Variants in OSBPL8 observed in about 807,000 individuals in gnomAD.
OSBPL8 encodes oxysterol binding protein like 8, also known as oxysterol-binding protein-related protein 8.
A neutral mutation model predicts 125.5 loss-of-function variants in OSBPL8; 59 were observed. That is an observed-to-expected ratio of 0.47 (90% CI 0.38 to 0.58). OSBPL8 has a LOEUF of 0.58. Among genes scored for constraint, OSBPL8 ranks in the 20% least tolerant of loss-of-function variants. The pLI is 0.00. For missense variants in OSBPL8, 758 were observed against 1,047.8 expected, an observed-to-expected ratio of 0.72 and a Z score of 3.82; for synonymous variants, 330 against 338.9, an observed-to-expected ratio of 0.97 and a Z score of 0.29.
At chr12:76,499,376 A>AATCT (rs1879659920) in intron 1 of OSBPL8, among the ~76,000 whole-genome samples, 1 of 135,972 alleles carries the variant, frequency 7.4e-6, no homozygotes, top group African/African-American at 2.7e-5. Flanking sequence ...TAATCTATCT[A>AATCT]ATCTATCTAT....
chr12:76,372,340 G>C (rs1054378148), intron 18 of OSBPL8, among the ~76,000 whole-genome samples: 3 of 151,920 alleles, frequency 2.0e-5, no homozygotes, highest in African/African-American at 7.3e-5. Flanking sequence ...TGAGTAGCTG[G>C]GACAGGCATG....
At chr12:76,356,172 C>T (rs1381937582) in intron 23 of OSBPL8, 151 bp from the exon 24 acceptor site, 30 of 142,142 alleles carry the variant, frequency 2.1e-4, no homozygotes, top group Admixed American at 7.3e-4. Flanking sequence ...TGGGGGGGGG[C>T]GGGGTCTGGG....
intron 4 of OSBPL8, among the ~76,000 whole-genome samples, chr12:76,420,863 A>C (rs1869388494): frequency 6.6e-6 from 1 of 152,000 alleles, no homozygotes; most frequent in African/African-American, 2.4e-5. Context: ...GCTTTTTATC[A>C]CAGCTGGTTG....
chr12:76,486,406 C>A (rs1013685868), intron 2 of OSBPL8, among the ~76,000 whole-genome samples: 1 of 152,180 alleles, frequency 6.6e-6, no homozygotes, highest in African/African-American at 2.4e-5. Context: ...GAATCTACCA[C>A]CTAACTAATG....
intron 1 of OSBPL8, among the ~76,000 whole-genome samples, chr12:76,495,175 T>C (rs557346785): frequency 3.9e-4 from 59 of 152,336 alleles, no homozygotes; most frequent in African/African-American, 1.4e-3. Context: ...AGGTCATTAC[T>C]AGTATTACCT....
Position 76,386,177 on chromosome 12 carries a change from A to G in OSBPL8, c.1524T>C (p.Ile508=), listed in dbSNP as rs1383526129. The G allele has an allele frequency of 1.3e-5, 21 of 1,610,650 alleles. No homozygotes were observed. The highest frequency in any genetic ancestry group is 1.7e-5 in the Non-Finnish European group (20 of 1,178,750). ...CATGCATTTCTAATACCTGTTCAGC[A>G]ATATAAAAAGTTTTGCTGTTTGTTC... The part of the protein sequence containing the change: ...HPRTNSKTFY[I]AEQVSHHPPI... Residue 508 remains isoleucine, a synonymous_variant, in exon 14 of 24, where the codon ATT becomes ATC. Transcript: ENST00000261183.
At chr12:76,446,145 G>C (rs752133227) in intron 4 of OSBPL8, among the ~76,000 whole-genome samples, 3 of 152,146 alleles carry the variant, frequency 2.0e-5, no homozygotes, top group Non-Finnish European at 4.4e-5. Flanking sequence ...TCAGAGACAT[G>C]AGGACCTTTA....
chr12:76,504,977 C>T (rs1184642167), intron 1 of OSBPL8, among the ~76,000 whole-genome samples: 1 of 152,140 alleles, frequency 6.6e-6, no homozygotes, highest in African/African-American at 2.4e-5. Flanking sequence ...ACTATTTTCC[C>T]ACACCCCATG....
intron 4 of OSBPL8, among the ~76,000 whole-genome samples, chr12:76,450,081 A>C (rs887534997): frequency 3.3e-5 from 5 of 152,236 alleles, no homozygotes; most frequent in African/African-American, 1.2e-4. Flanking sequence ...TAAGCTAGAC[A>C]TTAAAGTGAT....
intron 2 of OSBPL8, among the ~76,000 whole-genome samples, chr12:76,478,038 TA>T (rs1426471490): frequency 1.3e-5 from 2 of 151,960 alleles, no homozygotes; most frequent in African/African-American, 4.8e-5. Context: ...ACTCCATCTC[TA>T]CTAAAAATAC....
At chr12:76,411,450 A>G (rs917573772) in intron 4 of OSBPL8, among the ~76,000 whole-genome samples, 1 of 152,112 alleles carries the variant, frequency 6.6e-6, no homozygotes, top group Non-Finnish European at 1.5e-5. Context: ...ATATTTTAAA[A>G]TATGTATAAT....
intron 8 of OSBPL8, among the ~76,000 whole-genome samples, chr12:76,396,567 C>G (rs985927185): frequency 2.0e-5 from 3 of 151,948 alleles, no homozygotes; most frequent in Non-Finnish European, 4.4e-5. Flanking sequence ...CTGGGCAACA[C>G]AGAAAGACCC....
At chr12:76,366,597 TTC>T (rs1317505662) in intron 21 of OSBPL8, 1 of 449,982 alleles carries the variant, frequency 2.2e-6, no homozygotes, top group Non-Finnish European at 4.4e-6. Flanking sequence ...GTTTAGTTTT[TTC>T]TTCTTTTTCC....
At chr12:76,376,614 T>C in intron 16 of OSBPL8, among the ~76,000 whole-genome samples, 1 of 152,224 alleles carries the variant, frequency 6.6e-6, no homozygotes, top group Non-Finnish European at 1.5e-5. Flanking sequence ...TTTTTCTAAA[T>C]GATAGAAAAT....
intron 1 of OSBPL8, among the ~76,000 whole-genome samples, chr12:76,494,697 G>C (rs1565943594): frequency 6.6e-6 from 1 of 152,188 alleles, no homozygotes; most frequent in Non-Finnish European, 1.5e-5. Flanking sequence ...AGATGGGAAA[G>C]ACAGCAGGAG....
chr12:76,537,045 C>T (rs1369724025), intron 1 of OSBPL8: 1 of 151,780 alleles, frequency 6.6e-6, no homozygotes, highest in Non-Finnish European at 1.5e-5. Context: ...CACAGTTCTT[C>T]CCAAAAGAAA....
intron 14 of OSBPL8, 86 bp downstream of exon 14, chr12:76,386,082 A>G: frequency 4.0e-6 from 6 of 1,504,546 alleles, no homozygotes; most frequent in Non-Finnish European, 5.3e-6. Context: ...GCTAAATAAT[A>G]TTGAGTTTAC....
intron 2 of OSBPL8, among the ~76,000 whole-genome samples, 161 bp downstream of exon 2, chr12:76,487,349 T>A (rs952694838): frequency 1.3e-5 from 2 of 152,154 alleles, no homozygotes; most frequent in Non-Finnish European, 2.9e-5. Flanking sequence ...GTAATTTTCA[T>A]ATCATTTAAA....
chr12:76,402,596 G>C, intron 6 of OSBPL8, 93 bp downstream of exon 6: 1 of 888,882 alleles, frequency 1.1e-6, no homozygotes, highest in Non-Finnish European at 1.8e-6. Flanking sequence ...CTTTCTTTAG[G>C]AACACACATA....
Sources: gnomAD v4.1 joint callset for allele counts (sites outside exome capture counted in the v4.1 genomes callset) on GRCh38, gnomAD v4.1.1 for gene constraint, MANE v1.5 for transcripts, NCBI Gene and HGNC (gene_info 2026-07-23, HGNC 2026-07-21) for gene names.